Variants in LAMB4 observed in about 807,000 individuals in gnomAD.
LAMB4 encodes the protein laminin subunit beta 4, also known as laminin subunit beta-4.
In LAMB4, 196 loss-of-function variants were observed where a neutral mutation model predicts 199.2. The ratio of observed to expected loss-of-function variants is 0.98; its 90% CI spans 0.88 to 1.11. The LOEUF is 1.11. Among genes scored for constraint, LAMB4 ranks in the 50% least tolerant of loss-of-function variants. The pLI, the probability that LAMB4 is intolerant of heterozygous loss-of-function variation, is 0.00. For synonymous variants in LAMB4, 744 were observed against 770.6 expected (o/e 0.97, Z 0.57); for missense variants, 2,080 against 2,171.2 (o/e 0.96, Z 0.83).
rs191286315 is a variant in LAMB4 at position 108,061,291 on chromosome 7, A to G, written c.3282+1483T>C. Among the ~76,000 whole-genome samples the G allele has an allele frequency of 6.1e-3, 936 of 152,358 alleles. 9 individuals are homozygous for G. Among genetic ancestry groups the G allele is most frequent in the African/African-American group, 0.021 (887 of 41,584 alleles). ...AGGAAATCTGACTAAATTTGTTAGC[A>G]ATAATGTATCAATATTCATGCATAG... On this transcript the variant is annotated intron_variant, in intron 23 of 33. Transcript: ENST00000388781.
chr7:108,102,042 C>A (rs908994838), intron 10 of LAMB4, among the ~76,000 whole-genome samples: 3 of 152,162 alleles, frequency 2.0e-5, no homozygotes, highest in Non-Finnish European at 2.9e-5. Flanking sequence ...GGGGACCATG[C>A]AGTGTTATTT....
chr7:108,034,827 T>C (rs774469971), intron 30 of LAMB4, among the ~76,000 whole-genome samples: 9 of 152,242 alleles, frequency 5.9e-5, no homozygotes, highest in Non-Finnish European at 1.0e-4. Context: ...TTCCAGCCAC[T>C]AAGAAGCCCA....
intron 4 of LAMB4, 116 bp from the exon 5 acceptor site, chr7:108,109,360 C>T (rs375053982): frequency 7.8e-5 from 58 of 747,330 alleles, no homozygotes; most frequent in African/African-American, 7.0e-4. Flanking sequence ...ACAAGGCTGA[C>T]GATCACTCTT....
chr7:108,105,886 G>A lies in LAMB4; in HGVS notation c.801C>T (p.Cys267=). ...GGCGACATTCGCTAGCATGGCCATTGCAAAAGCAGCTTCCCCGAACAATCA... is the reference window on the plus strand; with the variant it reads ...GGCGACATTCGCTAGCATGGCCATTACAAAAGCAGCTTCCCCGAACAATCA... The part of the protein sequence containing the change: ...YEMIVRGSCF[C]NGHASECRPM... Residue 267 remains cysteine, a synonymous_variant, in exon 8 of 34, where the codon TGC becomes TGT. Coordinates refer to ENST00000388781, the MANE Select transcript of LAMB4 (RefSeq NM_007356.3). 1 of 1,614,246 alleles carries A rather than the reference G, an allele frequency of 6.2e-7. No individual in the cohort carries two copies. The highest frequency in any genetic ancestry group is 1.1e-5 in the South Asian group (1 of 91,086).
At chr7:108,031,776 TACA>T (rs1389512647) in intron 31 of LAMB4, among the ~76,000 whole-genome samples, 4 of 152,244 alleles carry the variant, frequency 2.6e-5, no homozygotes, top group Non-Finnish European at 4.4e-5. Flanking sequence ...TGTTTGAACA[TACA>T]ACAATGTATT....
At chr7:108,077,212 G>T in intron 16 of LAMB4, 148 bp from the exon 17 acceptor site, 1 of 713,206 alleles carries the variant, frequency 1.4e-6, no homozygotes, top group Non-Finnish European at 2.3e-6. Flanking sequence ...GACCAGCACA[G>T]GTGGGTTGGT....
chr7:108,121,145 G>T (rs184268658), intron 2 of LAMB4, among the ~76,000 whole-genome samples: 1 of 152,082 alleles, frequency 6.6e-6, no homozygotes, highest in Non-Finnish European at 1.5e-5. Context: ...CAATCAACAC[G>T]TTCCTAAAAG....
the LAMB4 span, among the ~76,000 whole-genome samples, chr7:108,016,340 G>C: frequency 2.1e-5 from 3 of 143,146 alleles, no homozygotes; most frequent in Admixed American, 7.2e-5. Context: ...CTGGAGTGGA[G>C]TGCTGCGATC....
At chr7:108,046,081 G>A (rs2035609828) in intron 28 of LAMB4, among the ~76,000 whole-genome samples, 1 of 151,414 alleles carries the variant, frequency 6.6e-6, no homozygotes, top group Admixed American at 6.6e-5. Context: ...TTTTGGTTTT[G>A]TTTTAAACGA....
intron 13 of LAMB4, 126 bp downstream of exon 13, chr7:108,092,211 G>T: frequency 1.4e-6 from 1 of 700,942 alleles, no homozygotes; most frequent in Non-Finnish European, 2.5e-6. Flanking sequence ...ATGGGCTGTA[G>T]TTAATGTCTC....
chr7:108,058,326 C>T (rs539502557), intron 23 of LAMB4, among the ~76,000 whole-genome samples: 4 of 152,312 alleles, frequency 2.6e-5, no homozygotes, highest in African/African-American at 9.6e-5. Flanking sequence ...GTAATGTTTT[C>T]ATTATGGAAT....
In LAMB4 at chr7:108,055,273, G is replaced by A. The variant is rs192606914; in HGVS notation, c.3755+359C>T. ...ATGATCTTGGGTCACTGTAACCTTC[G>A]CCTCCTGGGTTCAAGCAATTCTCTT... On this transcript the variant is annotated intron_variant, in intron 25 of 33. Coordinates refer to ENST00000388781, the MANE Select transcript of LAMB4 (RefSeq NM_007356.3). Among the ~76,000 whole-genome samples the A allele has an allele frequency of 2.4e-3, 361 of 150,720 alleles. 2 individuals are homozygous for A. Among genetic ancestry groups the A allele is most frequent in the Non-Finnish European group, 2.4e-3 (162 of 67,870 alleles).
intron 2 of LAMB4, among the ~76,000 whole-genome samples, chr7:108,118,308 A>G (rs1045058570): frequency 1.3e-5 from 2 of 152,174 alleles, no homozygotes; most frequent in Non-Finnish European, 2.9e-5. Flanking sequence ...AGGGCAGAGG[A>G]CCTAGAATGG....
At chr7:108,065,452 T>C (rs1371717875) in intron 21 of LAMB4, among the ~76,000 whole-genome samples, 1 of 152,232 alleles carries the variant, frequency 6.6e-6, no homozygotes, top group Non-Finnish European at 1.5e-5. Context: ...TTATCACATT[T>C]ATATCTTACT....
intron 14 of LAMB4, among the ~76,000 whole-genome samples, chr7:108,087,184 A>G (rs1217764841): frequency 2.0e-5 from 3 of 152,176 alleles, no homozygotes; most frequent in Admixed American, 2.0e-4. Flanking sequence ...AGTCCATATC[A>G]TGTTACATGC....
At chr7:108,019,433 T>C (rs2034645028), downstream of LAMB4, among the ~76,000 whole-genome samples, 1 of 152,064 alleles carries the variant, frequency 6.6e-6, no homozygotes. Flanking sequence ...TCAAAGCCAG[T>C]TGATGAAGAC....
At chr7:108,102,042 C>T (rs908994838) in intron 10 of LAMB4, among the ~76,000 whole-genome samples, 8 of 152,162 alleles carry the variant, frequency 5.3e-5, no homozygotes, top group Non-Finnish European at 1.2e-4. Context: ...GGGGACCATG[C>T]AGTGTTATTT....
chr7:108,085,711 T>G (rs1435388466), intron 14 of LAMB4, among the ~76,000 whole-genome samples: 1 of 152,166 alleles, frequency 6.6e-6, no homozygotes, highest in Non-Finnish European at 1.5e-5. Flanking sequence ...CCTCCCGGGT[T>G]CACGCCATTC....
intron 30 of LAMB4, 95 bp downstream of exon 30, chr7:108,037,293 T>C: frequency 3.1e-6 from 3 of 956,252 alleles, no homozygotes; most frequent in Non-Finnish European, 4.8e-6. Flanking sequence ...GGTAATTTCA[T>C]TTGAATGCTA....
Sources: allele counts gnomAD v4.1 joint callset (sites outside exome capture counted in the v4.1 genomes callset), GRCh38; gene constraint gnomAD v4.1.1; transcripts MANE v1.5; gene names NCBI Gene and HGNC (gene_info 2026-07-23, HGNC 2026-07-21).